Variants in SORBS2 observed in about 807,000 individuals in gnomAD.
The protein encoded by SORBS2 is sorbin and SH3 domain-containing protein 2.
SORBS2 carries 46 observed loss-of-function variants against 97.7 expected under a neutral mutation model. The ratio of observed to expected loss-of-function variants is 0.47; its 90% CI spans 0.37 to 0.60. The LOEUF is 0.60. SORBS2 is among the 20% of genes least tolerant of loss of function. SORBS2 has a pLI of 0.00. For missense variants in SORBS2, 1,316 were observed against 1,282.3 expected, an observed-to-expected ratio of 1.03 and a Z score of -0.40; for synonymous variants, 476 against 473.4, an observed-to-expected ratio of 1.01 and a Z score of -0.07.
At chr4:185,804,136 AAAAC>A (rs1163136184) in intron 1 of SORBS2, among the ~76,000 whole-genome samples, 4 of 152,238 alleles carry the variant, frequency 2.6e-5, no homozygotes, top group Admixed American at 6.5e-5. Flanking sequence ...ATACTGACCA[AAAAC>A]AAACAAACAA....
At chr4:185,597,427 A>G (rs1321390448) in intron 12 of SORBS2, among the ~76,000 whole-genome samples, 2 of 152,232 alleles carry the variant, frequency 1.3e-5, no homozygotes, top group Non-Finnish European at 2.9e-5. Context: ...GGTCACGTAA[A>G]AAAAAATAAT....
chr4:185,777,754 T>C (rs1421427131), intron 1 of SORBS2, among the ~76,000 whole-genome samples: 1 of 151,752 alleles, frequency 6.6e-6, no homozygotes, highest in Non-Finnish European at 1.5e-5. Flanking sequence ...CATATAAGTG[T>C]AAAATGCATG....
chr4:185,885,169 G>A (rs187083248), intron 1 of SORBS2, among the ~76,000 whole-genome samples: 11 of 152,338 alleles, frequency 7.2e-5, no homozygotes, highest in Admixed American at 4.6e-4. Flanking sequence ...CTGTTAAGGC[G>A]TAAGCTAGAA....
chr4:185,765,485 T>C (rs536518900), intron 2 of SORBS2, among the ~76,000 whole-genome samples: 1 of 152,206 alleles, frequency 6.6e-6, no homozygotes, highest in Non-Finnish European at 1.5e-5. Context: ...TTAATTTTGA[T>C]ATCCAAAATA....
intron 2 of SORBS2, among the ~76,000 whole-genome samples, chr4:185,737,070 C>T (rs2098692206): frequency 6.6e-6 from 1 of 152,196 alleles, no homozygotes; most frequent in South Asian, 2.1e-4. Flanking sequence ...TAGAACAGTG[C>T]CTGAAGGAAG....
At chr4:185,600,252 C>T (rs1363710298) in intron 12 of SORBS2, among the ~76,000 whole-genome samples, 2 of 152,202 alleles carry the variant, frequency 1.3e-5, no homozygotes, top group Non-Finnish European at 2.9e-5. Context: ...CTTAACATGG[C>T]ACCCACAGGC....
At chr4:185,911,376 C>T (rs1178685744) in intron 1 of SORBS2, among the ~76,000 whole-genome samples, 2 of 152,098 alleles carry the variant, frequency 1.3e-5, no homozygotes, top group African/African-American at 2.4e-5. Flanking sequence ...TACAGGTGTG[C>T]ACCACCATGC....
chr4:185,793,822 T>A (rs7662979), intron 1 of SORBS2, among the ~76,000 whole-genome samples: 29,550 of 152,222 alleles, frequency 0.19, 4,574 homozygotes, highest in African/African-American at 0.42. Flanking sequence ...GGTCCTATGA[T>A]CTATGCACAG....
At chr4:185,767,496 T>C (rs1328821943) in intron 2 of SORBS2, among the ~76,000 whole-genome samples, 1 of 39,016 alleles carries the variant, frequency 2.6e-5, no homozygotes, top group African/African-American at 1.1e-4. Flanking sequence ...TGAGACTCTG[T>C]CTCAAAAAAA....
chr4:185,731,730 G>C (rs1480427322), intron 2 of SORBS2, among the ~76,000 whole-genome samples: 45 of 19,978 alleles, frequency 2.3e-3, no homozygotes, highest in Admixed American at 3.0e-3. Context: ...CTCCCTGCCT[G>C]TCTCTCTCCC....
intron 1 of SORBS2, among the ~76,000 whole-genome samples, chr4:185,925,720 GA>G (rs2099263281): frequency 6.6e-6 from 1 of 152,154 alleles, no homozygotes; most frequent in Admixed American, 6.5e-5. Context: ...GGTGGCTGGA[GA>G]AGAAAGCACA....
intron 1 of SORBS2, among the ~76,000 whole-genome samples, chr4:185,794,609 G>C (rs2099096628): frequency 6.6e-6 from 1 of 152,054 alleles, no homozygotes; most frequent in Non-Finnish European, 1.5e-5. Context: ...ACCCCTCTGA[G>C]GAAGCCCAAT....
intron 2 of SORBS2, among the ~76,000 whole-genome samples, chr4:185,706,792 A>T (rs867874839): frequency 5.9e-5 from 9 of 152,336 alleles, no homozygotes; most frequent in African/African-American, 2.2e-4. Flanking sequence ...ATAATGCTGC[A>T]TATAATTACA....
chr4:185,693,643 G>T (rs1459196931), intron 2 of SORBS2, among the ~76,000 whole-genome samples: 1 of 152,156 alleles, frequency 6.6e-6, no homozygotes, highest in African/African-American at 2.4e-5. Flanking sequence ...AACTGCTTAA[G>T]GTTTTAAAAC....
chr4:185,798,182 C>T (rs60073930), intron 1 of SORBS2, among the ~76,000 whole-genome samples: 1,636 of 152,210 alleles, frequency 0.011, 30 homozygotes, highest in African/African-American at 0.038. Context: ...CCAGACCTCA[C>T]CCTACACAAT....
intron 2 of SORBS2, among the ~76,000 whole-genome samples, chr4:185,755,243 C>T (rs571637703): frequency 4.6e-5 from 7 of 152,360 alleles, no homozygotes; most frequent in African/African-American, 1.4e-4. Context: ...TCATGCTCCT[C>T]TTCCCACTTT....
chr4:185,761,191 A>G (rs146441371), intron 2 of SORBS2, among the ~76,000 whole-genome samples: 5 of 152,346 alleles, frequency 3.3e-5, no homozygotes, highest in African/African-American at 1.2e-4. Flanking sequence ...CATAGCTGCC[A>G]TCAGTAATGT....
intron 2 of SORBS2, among the ~76,000 whole-genome samples, chr4:185,738,959 T>C (rs1020628606): frequency 2.0e-5 from 3 of 152,270 alleles, no homozygotes; most frequent in African/African-American, 7.2e-5. Context: ...GGTTCCATTC[T>C]CTATTTGCAT....
rs575897027 is a variant in SORBS2 at position 185,867,004 on chromosome 4, T to C, written c.-338+89192A>G. Among the ~76,000 whole-genome samples the C allele has an allele frequency of 1.4e-4, 22 of 152,106 alleles. 1 individual carries two copies. Among genetic ancestry groups the C allele is most frequent in the Admixed American group, 5.9e-4 (9 of 15,284 alleles). ...AAAATATTAAAGGTTTATTTTATTT[T>C]ATTTTATTATTTATTTATTTATTTT... On this transcript the variant is annotated intron_variant, in intron 1 of 20. Coordinates refer to the SORBS2 transcript ENST00000284776.
Sources: allele counts gnomAD v4.1 joint callset (sites outside exome capture counted in the v4.1 genomes callset), GRCh38; gene constraint gnomAD v4.1.1; transcripts MANE v1.5; gene names NCBI Gene and HGNC (gene_info 2026-07-23, HGNC 2026-07-21).